Variants in SDK1 observed in about 807,000 individuals in gnomAD.
SDK1 encodes protein sidekick-1.
A neutral mutation model predicts 245.5 loss-of-function variants in SDK1; 157 were observed. That is an observed-to-expected ratio of 0.64 (90% confidence interval 0.56 to 0.73). The LOEUF (loss-of-function observed/expected upper bound fraction) is 0.73. SDK1 is among the 30% of genes least tolerant of loss of function. SDK1 has a pLI of 0.00. For synonymous variants in SDK1, 1,647 were observed against 1,278.5 expected (o/e 1.29, Z -6.15); for missense variants, 3,583 against 3,002.3 (o/e 1.19, Z -4.52).
intron 13 of SDK1, among the ~76,000 whole-genome samples, chr7:3,975,911 GGGT>G (rs1782903327): frequency 2.7e-5 from 4 of 147,800 alleles, no homozygotes; most frequent in African/African-American, 7.5e-5. Context: ...GCCACGTAGA[GGGT>G]CCTCCAGAGA....
rs1780733967 is a variant in SDK1, at chr7:4,077,107, C to T, written c.3120C>T (p.Thr1040=). The T allele has an allele frequency of 6.2e-7, 1 of 1,614,126 alleles. No homozygotes were observed. The highest frequency in any genetic ancestry group is 1.7e-5 in the Admixed American group (1 of 60,012). Residue 1040 remains threonine (T), a synonymous_variant, in exon 21 of 45, where the codon ACC becomes ACT. Coordinates refer to ENST00000404826, the MANE Select transcript of SDK1 (RefSeq NM_152744.4). ...TCCAAGGCCTCTCATCTCTCACCAC[C>T]TACACCATCGACGTGGCCGCTGTGA... The part of the protein sequence containing the change: ...YKIQGLSSLT[T]YTIDVAAVTA...
At chr7:3,431,386 C>T (rs11980041) in intron 1 of SDK1, among the ~76,000 whole-genome samples, 14,706 of 122,294 alleles carry the variant, frequency 0.12, 1,018 homozygotes, top group African/African-American at 0.23. Context: ...TTTTTTAAAG[C>T]AAATTCATTT....
At chr7:3,679,172 A>T (rs2114981056) in intron 4 of SDK1, among the ~76,000 whole-genome samples, 1 of 152,314 alleles carries the variant, frequency 6.6e-6, no homozygotes, top group East Asian at 1.9e-4. Flanking sequence ...CAGGCTGCAA[A>T]CTAGGGGAAA....
Position 3,901,739 on chromosome 7 carries a change from C to T in SDK1, c.848-49184C>T, listed in dbSNP as rs529577935. Among the ~76,000 whole-genome samples, 4 of 152,190 alleles carry T rather than the reference C, an allele frequency of 2.6e-5. No homozygotes were observed. The South Asian group carries it at 6.2e-4, about 24-fold the overall frequency. On this transcript the variant is annotated intron_variant, in intron 5 of 44. Transcript: ENST00000404826. The stretch of plus-strand genomic sequence containing the variant: ...CTCTTGCCTCAGTCAACTATTACCA[C>T]GATGTTTGTGTCCTAACTTCTACCA...
intron 44 of SDK1, among the ~76,000 whole-genome samples, chr7:4,261,483 G>C (rs991976004): frequency 1.3e-5 from 2 of 151,902 alleles, no homozygotes; most frequent in Non-Finnish European, 2.9e-5. Context: ...ACTTCTGAAA[G>C]AGCTGCTGTG....
chr7:3,832,254 A>G (rs1385224875), intron 5 of SDK1, among the ~76,000 whole-genome samples: 1 of 152,122 alleles, frequency 6.6e-6, no homozygotes, highest in Non-Finnish European at 1.5e-5. Flanking sequence ...GACTTTCACC[A>G]TTTTACTTAT....
intron 1 of SDK1, among the ~76,000 whole-genome samples, chr7:3,503,762 G>C (rs961500507): frequency 3.3e-5 from 5 of 152,082 alleles, no homozygotes; most frequent in Non-Finnish European, 7.4e-5. Context: ...TTCAAGACTA[G>C]TACACTGAAA....
At chr7:3,399,048 C>T (rs977054252) in intron 1 of SDK1, among the ~76,000 whole-genome samples, 7 of 152,058 alleles carry the variant, frequency 4.6e-5, no homozygotes, top group African/African-American at 1.7e-4. Context: ...AGTATTATCT[C>T]TTCAGTTATT....
chr7:3,772,644 T>A (rs1780436447), intron 4 of SDK1, among the ~76,000 whole-genome samples: 1 of 152,224 alleles, frequency 6.6e-6, no homozygotes, highest in South Asian at 2.1e-4. Flanking sequence ...TTACAATTGC[T>A]TATGTATTTA....
intron 1 of SDK1, among the ~76,000 whole-genome samples, chr7:3,530,090 T>A (rs551729058): frequency 6.6e-6 from 1 of 152,292 alleles, no homozygotes; most frequent in South Asian, 2.1e-4. Context: ...TCAAAAAGTA[T>A]AATCAAATTA....
At chr7:3,937,008 C>T (rs983802744) in intron 5 of SDK1, among the ~76,000 whole-genome samples, 1 of 152,142 alleles carries the variant, frequency 6.6e-6, no homozygotes, top group Non-Finnish European at 1.5e-5. Flanking sequence ...AAAGAGAAGC[C>T]CTGGCTGCCT....
At chr7:4,222,906 C>T (rs534500096) in intron 40 of SDK1, among the ~76,000 whole-genome samples, 33 of 152,144 alleles carry the variant, frequency 2.2e-4, no homozygotes, top group African/African-American at 7.5e-4. Flanking sequence ...GGAGCTGAGA[C>T]GTGTGGGTTC....
chr7:3,680,775 C>G (rs1784075276), intron 4 of SDK1, among the ~76,000 whole-genome samples: 1 of 152,180 alleles, frequency 6.6e-6, no homozygotes, highest in South Asian at 2.1e-4. Flanking sequence ...ACTCCTCTTC[C>G]TCTTAAAGGC....
chr7:3,878,351 T>C (rs1260791856), intron 5 of SDK1, among the ~76,000 whole-genome samples: 1 of 152,048 alleles, frequency 6.6e-6, no homozygotes, highest in African/African-American at 2.4e-5. Flanking sequence ...AAACCCCATC[T>C]CTACTAAAAA....
intron 1 of SDK1, among the ~76,000 whole-genome samples, chr7:3,437,112 C>T (rs1780051536): frequency 6.6e-6 from 1 of 152,140 alleles, no homozygotes; most frequent in Non-Finnish European, 1.5e-5. Flanking sequence ...ATTAATACAT[C>T]CTTTAAAAAT....
chr7:4,058,849 A>G (rs982248548), intron 19 of SDK1, among the ~76,000 whole-genome samples: 8 of 152,356 alleles, frequency 5.3e-5, no homozygotes, highest in Middle Eastern at 3.4e-3. Flanking sequence ...AGAAATGCTT[A>G]ATGAATTCCC....
intron 17 of SDK1, among the ~76,000 whole-genome samples, chr7:4,030,854 A>G (rs1270566938): frequency 3.3e-5 from 5 of 152,128 alleles, no homozygotes; most frequent in Admixed American, 6.5e-5. Context: ...AAAGAATTCC[A>G]TGCTGACCTG....
At chr7:4,094,620 G>A (rs185083185) in intron 22 of SDK1, among the ~76,000 whole-genome samples, 5 of 152,362 alleles carry the variant, frequency 3.3e-5, no homozygotes, top group Admixed American at 6.5e-5. Flanking sequence ...AGAGGGAGAA[G>A]CAAAGGACCG....
intron 3 of SDK1, 103 bp from the exon 4 acceptor site, chr7:3,641,855 G>T: frequency 3.4e-6 from 3 of 887,982 alleles, no homozygotes; most frequent in Non-Finnish European, 5.3e-6. Context: ...AAATGTGGCA[G>T]CATCAGTGAC....
Sources: gnomAD v4.1 joint callset for allele counts (sites outside exome capture counted in the v4.1 genomes callset) on GRCh38, gnomAD v4.1.1 for gene constraint, MANE v1.5 for transcripts, NCBI Gene and HGNC (gene_info 2026-07-23, HGNC 2026-07-21) for gene names.